LOXL4: variants seen among roughly 807,000 people sequenced by gnomAD.
LOXL4 encodes lysyl oxidase homolog 4.
In LOXL4, 72 loss-of-function variants were observed where a neutral mutation model predicts 89.1. That is an observed-to-expected ratio of 0.81 (90% CI 0.67 to 0.98). LOXL4 has a LOEUF of 0.98. Ranked by LOEUF, LOXL4 falls within the 50% of genes least tolerant of loss-of-function variation. The pLI is 0.00. For synonymous variants in LOXL4, 355 were observed against 392.1 expected (o/e 0.91, Z 1.12); for missense variants, 984 against 1,017.5 (o/e 0.97, Z 0.45).
chr10:98,262,953 T>A lies in LOXL4; in HGVS notation c.67A>T (p.Arg23Trp), dbSNP rs1182662140. The change falls in exon 2 of 15, where the codon AGG becomes TGG. Residue 23 changes from arginine to tryptophan, a missense_variant. Transcript: ENST00000260702. ...TTAGTGGTGCCCAGTGACTGTGGCC[T>A]GCTGGGAGGGGGCTGGCCTAGCAGC... ...LLLLGQPPPS[R>W]PQSLGTTKLR... is the part of the protein sequence containing the mutation. 6.2e-7 allele frequency: 1 copy of A among 1,613,702 alleles called. No homozygotes were observed. Among genetic ancestry groups the A allele is most frequent in the Admixed American group, 1.7e-5 (1 of 60,028 alleles).
At chr10:98,257,054 AAGAC>A (rs1858397245) in intron 8 of LOXL4, 107 bp from the exon 9 acceptor site, 6 of 1,325,222 alleles carry the variant, frequency 4.5e-6, no homozygotes, top group Non-Finnish European at 6.1e-6. Context: ...CACCCTAGAC[AAGAC>A]AGTCCCCTTC....
rs72828473 is a variant in LOXL4, at chr10:98,259,252, G to A, written c.702-24C>T. 3.0e-3 allele frequency: 4,872 copies of A among 1,601,692 alleles called. 7 individuals carry two copies. The highest frequency in any genetic ancestry group is 3.7e-3 in the Non-Finnish European group (4,370 of 1,171,566). On this transcript the variant is annotated intron_variant, in intron 5 of 14. Coordinates refer to ENST00000260702, the MANE Select transcript of LOXL4 (RefSeq NM_032211.7). ...GCCTAGAGGACAAGGGAGACTGAGG[G>A]TGGAGGAAGGGCTGAGGGAAGAGCT...
At position 98,258,273 on chromosome 10, in the gene LOXL4, C is replaced by A; in HGVS notation, c.922-109G>T. On this transcript the variant is annotated intron_variant, in intron 6 of 14. Transcript: ENST00000260702. ...GCTCCTTCAAGTTCCATGGCGGTGG[C>A]CAGAGCCAAGGATGGGGAGTTCCAG... is the stretch of plus-strand genomic sequence containing the variant. 5 of 1,166,754 alleles carry A rather than the reference C, an allele frequency of 4.3e-6. No individual in the cohort carries two copies. The South Asian group carries it at 8.0e-5, about 19-fold the overall frequency. 72.3% of individuals were successfully genotyped at this position (1,166,754 alleles called of 1,614,324 possible).
At chr10:98,254,406 G>T (rs895007878) in intron 10 of LOXL4, among the ~76,000 whole-genome samples, 7 of 152,228 alleles carry the variant, frequency 4.6e-5, no homozygotes, top group Non-Finnish European at 8.8e-5. Context: ...CACCTGGGCA[G>T]GCCGGCCGCA....
At chr10:98,261,755 G>A (rs1302819680) in intron 3 of LOXL4, among the ~76,000 whole-genome samples, 1 of 152,234 alleles carries the variant, frequency 6.6e-6, no homozygotes, top group Non-Finnish European at 1.5e-5. Flanking sequence ...AGGCCTCATG[G>A]ATGAGGGAGC....
Position 98,262,851 on chromosome 10 carries a change from C to T in LOXL4, c.169G>A (p.Val57Met), listed in dbSNP as rs996964551. 1.9e-5 allele frequency: 30 copies of T among 1,613,656 alleles called. 1 individual carries two copies. The highest frequency in any genetic ancestry group is 3.3e-5 in the South Asian group (3 of 91,092). The change falls in exon 2 of 15, where the codon GTG becomes ATG. Residue 57 changes from valine to methionine, a missense_variant. Transcript: ENST00000260702. ...EVLHQGQWGTVCDDNFAIQEA... is the reference protein window; with the variant it reads ...EVLHQGQWGTMCDDNFAIQEA... The stretch of plus-strand genomic sequence containing the variant: ...TGGATAGCAAAGTTGTCATCACACA[C>T]GGTGCCCCACTGGCCCTGGTGCAGC...
At chr10:98,259,333 A>AT (rs1590882105) in intron 5 of LOXL4, 58 bp downstream of exon 5, 1 of 1,593,968 alleles carries the variant, frequency 6.3e-7, no homozygotes, top group African/African-American at 1.3e-5. Context: ...AGGGGATGGG[A>AT]TAGAGGCCCT....
At chr10:98,255,833 C>T (rs1858345988) in intron 9 of LOXL4, 94 bp from the exon 10 acceptor site, 13 of 1,449,592 alleles carry the variant, frequency 9.0e-6, no homozygotes, top group East Asian at 4.7e-5. Flanking sequence ...CCACCCCCAC[C>T]GGGTTGTGTC....
rs995891205 is a variant in LOXL4, at chr10:98,256,861, C to T, written c.1347G>A (p.Val449=). The T allele has an allele frequency of 1.2e-6, 2 of 1,614,038 alleles. No individual in the cohort carries two copies. Among genetic ancestry groups the T allele is most frequent in the African/African-American group, 2.7e-5 (2 of 74,946 alleles). Residue 449 remains valine (V), a synonymous_variant, in exon 9 of 15, where the codon GTG becomes GTA. Coordinates refer to ENST00000260702, the MANE Select transcript of LOXL4 (RefSeq NM_032211.7). ...EVNGVPRWGS[V]CSENWGLTEA... ...CGGTGAGCCCCCAGTTTTCACTGCA[C>T]ACGCTCCCCCAGCGTGGGACCCCGT...
At chr10:98,260,352 A>T (rs1051776237) in intron 4 of LOXL4, among the ~76,000 whole-genome samples, 3 of 152,004 alleles carry the variant, frequency 2.0e-5, no homozygotes, top group African/African-American at 7.2e-5. Flanking sequence ...TCACTGGCTG[A>T]GCTGAGGCCA....
At position 98,248,644 on chromosome 10, in the gene LOXL4, A is replaced by C; in HGVS notation, c.*277T>G. ...CGGATCTCTGTGGCAAGATTCAGGGATGACTGGGTTTCCTTACAGAAGAGG... is the reference window on the plus strand; with the variant it reads ...CGGATCTCTGTGGCAAGATTCAGGGCTGACTGGGTTTCCTTACAGAAGAGG... On this transcript the variant is annotated 3_prime_UTR_variant, in exon 15 of 15. Coordinates refer to ENST00000260702, the MANE Select transcript of LOXL4 (RefSeq NM_032211.7). The C allele has an allele frequency of 2.5e-6, 1 of 402,188 alleles. No individual in the cohort carries two copies. The highest frequency in any genetic ancestry group is 4.5e-6 in the Non-Finnish European group (1 of 220,920). 24.9% of individuals were successfully genotyped at this position (402,188 alleles called of 1,614,324 possible). A position where few individuals can be genotyped will look rare whatever the true frequency, so the allele number is the denominator to read the frequency against.
chr10:98,253,442 G>A (rs953704194), intron 11 of LOXL4, 111 bp downstream of exon 11: 15 of 1,470,814 alleles, frequency 1.0e-5, no homozygotes, highest in East Asian at 4.6e-5. Context: ...CAAGGAGAGC[G>A]CACACCCCTC....
chr10:98,255,447 G>T, intron 10 of LOXL4, 130 bp downstream of exon 10: 1 of 1,051,764 alleles, frequency 9.5e-7, no homozygotes, highest in Non-Finnish European at 1.3e-6. Context: ...ACACAGCTGG[G>T]AAATGGCAGA....
intron 1 of LOXL4, among the ~76,000 whole-genome samples, chr10:98,266,019 A>G (rs1348914642): frequency 6.6e-6 from 1 of 152,070 alleles, no homozygotes; most frequent in Non-Finnish European, 1.5e-5. Flanking sequence ...TGTCACTCAG[A>G]GGCTTGTGGG....
At position 98,258,132 on chromosome 10, in the gene LOXL4, C is replaced by G. The variant is rs1590880857; in HGVS notation, c.954G>C (p.Gln318His). The G allele has an allele frequency of 6.2e-7, 1 of 1,612,926 alleles. No homozygotes were observed. Among genetic ancestry groups the G allele is most frequent in the South Asian group, 1.1e-5 (1 of 91,066 alleles). ...GCACTTCCACCCGGCCCTCGCCCACCTGGGCCCCGGAGCGCAGGCGCACCC... is the reference window on the plus strand; with the variant it reads ...GCACTTCCACCCGGCCCTCGCCCACGTGGGCCCCGGAGCGCAGGCGCACCC... Reference protein sequence around the residue: ...EPRVRLRSGAQVGEGRVEVLM... With the variant: ...EPRVRLRSGAHVGEGRVEVLM... The change falls in exon 7 of 15, where the codon CAG becomes CAC. Residue 318 changes from glutamine (Q) to histidine (H), a missense_variant. Gln to His is a conservative substitution (Grantham distance 24, BLOSUM62 0). Transcript: ENST00000260702.
intron 9 of LOXL4, chr10:98,256,555 C>A (rs1858371474): frequency 5.2e-6 from 3 of 579,660 alleles, no homozygotes; most frequent in Non-Finnish European, 9.1e-6. Context: ...AATTTCTATT[C>A]ATCTTTCCTG....
At chr10:98,251,789 T>C in intron 12 of LOXL4, 87 bp from the exon 13 acceptor site, 1 of 1,498,888 alleles carries the variant, frequency 6.7e-7, no homozygotes, top group African/African-American at 1.4e-5. Context: ...AGTGTCATCA[T>C]GCCCAGTTCA....
In LOXL4 at chr10:98,252,435, G is replaced by A. The variant is rs367592797; in HGVS notation, c.1869C>T (p.Tyr623=). The A allele has an allele frequency of 1.7e-4, 273 of 1,613,970 alleles. 1 individual carries two copies. The Admixed American group carries it at 2.5e-3, about 15-fold the overall frequency. ...TGGAGCCATTGAGAGTGAGGAGGTCGTAGTGGGTGAAGACCTCAATGCTGT... is the reference window on the plus strand; with the variant it reads ...TGGAGCCATTGAGAGTGAGGAGGTCATAGTGGGTGAAGACCTCAATGCTGT... ...HYHSIEVFTH[Y]DLLTLNGSKV... The change falls in exon 12 of 15, where the codon TAC becomes TAT. Residue 623 remains tyrosine (Y), a synonymous_variant. Coordinates refer to ENST00000260702, the MANE Select transcript of LOXL4 (RefSeq NM_032211.7).
intron 10 of LOXL4, 108 bp downstream of exon 10, chr10:98,255,469 C>G (rs1858331068): frequency 1.0e-5 from 13 of 1,268,038 alleles, no homozygotes; most frequent in Non-Finnish European, 1.3e-5. Context: ...CTGGTACTTT[C>G]ATTCCCCCAT....
Sources: gnomAD v4.1 joint callset for allele counts (sites outside exome capture counted in the v4.1 genomes callset) on GRCh38, gnomAD v4.1.1 for gene constraint, MANE v1.5 for transcripts, NCBI Gene and HGNC (gene_info 2026-07-23, HGNC 2026-07-21) for gene names.